Variants in IGF2R observed in about 807,000 individuals in gnomAD.
IGF2R encodes the protein insulin like growth factor 2 receptor, also known as cation-independent mannose-6-phosphate receptor.
Under a neutral mutation model 270.6 loss-of-function variants are expected in IGF2R, and 91 were observed. The ratio of observed to expected loss-of-function variants is 0.34; its 90% CI spans 0.28 to 0.40. The LOEUF (loss-of-function observed/expected upper bound fraction) is 0.40. Ranked by LOEUF, IGF2R falls within the 10% of genes least tolerant of loss-of-function variation. IGF2R has a pLI of 1.00. For synonymous variants in IGF2R, 1,316 were observed against 1,258.9 expected (o/e 1.05, Z -0.96); for missense variants, 2,805 against 3,188.3 (o/e 0.88, Z 2.90).
intron 7 of IGF2R, among the ~76,000 whole-genome samples, chr6:160,029,905 A>G (rs1432492389): frequency 1.3e-5 from 2 of 152,208 alleles, no homozygotes; most frequent in East Asian, 3.8e-4. Flanking sequence ...GCCTCCACAT[A>G]TAATGGGATG....
chr6:160,088,363 A>T (rs1341386059), intron 42 of IGF2R, among the ~76,000 whole-genome samples: 1 of 152,246 alleles, frequency 6.6e-6, no homozygotes, highest in African/African-American at 2.4e-5. Flanking sequence ...TCTCTGGGCT[A>T]GCTTGTCTCT....
At chr6:160,029,083 A>G (rs556365541) in intron 6 of IGF2R, among the ~76,000 whole-genome samples, 23 of 152,162 alleles carry the variant, frequency 1.5e-4, no homozygotes, top group African/African-American at 5.5e-4. Flanking sequence ...TCCCTGTTCA[A>G]GTGATTCTCC....
rs185604874 is a variant in IGF2R at position 159,983,766 on chromosome 6, T to C, written c.150-7418T>C. On this transcript the variant is annotated intron_variant, in intron 1 of 47. Coordinates refer to ENST00000356956, the MANE Select transcript of IGF2R (RefSeq NM_000876.4). Reference sequence around the variant, plus strand: ...CATTAAAGGAGAGTGTGCATCTGAGTTGAGGAAGACAATATAGATGTGGAC... The same window carrying C: ...CATTAAAGGAGAGTGTGCATCTGAGCTGAGGAAGACAATATAGATGTGGAC... 1.9e-3 allele frequency among the ~76,000 whole-genome samples: 286 copies of C among 152,252 alleles called. 3 individuals are homozygous for C. Among genetic ancestry groups the C allele is most frequent in the Non-Finnish European group, 5.7e-4 (39 of 68,022 alleles).
rs752956700 is a variant in IGF2R, at chr6:160,045,885, CTG to C, written c.1903+7_1903+8del. The C allele has an allele frequency of 7.1e-6, 11 of 1,548,510 alleles. No individual in the cohort carries two copies. Among genetic ancestry groups the C allele is most frequent in the Non-Finnish European group, 8.7e-6 (10 of 1,150,740 alleles). Reference sequence around the variant, plus strand: ...CACGGTCTTTGACTCCCAGGCAGGTCTGTGTCCAAGCAGGACCTCTGCTTTAA... The same window carrying C: ...CACGGTCTTTGACTCCCAGGCAGGTCTGTCCAAGCAGGACCTCTGCTTTAA... On this transcript the variant is annotated splice_donor_5th_base_variant and intron_variant, in intron 14 of 47. Coordinates refer to ENST00000356956, the MANE Select transcript of IGF2R (RefSeq NM_000876.4).
intron 44 of IGF2R, chr6:160,095,323 A>C (rs1287294335): frequency 6.6e-6 from 1 of 152,522 alleles, no homozygotes; most frequent in Non-Finnish European, 1.5e-5. Context: ...CCTCTGCTGC[A>C]TGGTTTATGC....
intron 2 of IGF2R, chr6:160,007,342 C>G (rs1020083912): frequency 2.0e-5 from 3 of 152,228 alleles, no homozygotes; most frequent in African/African-American, 7.2e-5. Flanking sequence ...TAACATTTCA[C>G]TAGCAATACA....
intron 19 of IGF2R, among the ~76,000 whole-genome samples, chr6:160,052,194 A>T (rs1778215223): frequency 6.6e-6 from 1 of 152,176 alleles, no homozygotes; most frequent in Non-Finnish European, 1.5e-5. Flanking sequence ...ACAGAGCAAG[A>T]TCCTGTTTCA....
chr6:159,999,507 A>G (rs1435160081), intron 2 of IGF2R, among the ~76,000 whole-genome samples: 1 of 152,166 alleles, frequency 6.6e-6, no homozygotes, highest in Non-Finnish European at 1.5e-5. Flanking sequence ...CATCAGACAG[A>G]TTGGAGCTGA....
intron 1 of IGF2R, among the ~76,000 whole-genome samples, chr6:159,969,640 C>T (rs998023564): frequency 5.9e-5 from 9 of 152,166 alleles, no homozygotes; most frequent in African/African-American, 1.9e-4. Context: ...CGCGTCCGGC[C>T]ACTTGTGGCT....
intron 2 of IGF2R, among the ~76,000 whole-genome samples, chr6:159,995,109 C>G (rs1784032345): frequency 6.6e-6 from 1 of 151,972 alleles, no homozygotes. Flanking sequence ...TTTTATGAAT[C>G]TGAGTGCTTT....
At chr6:160,019,318 A>C (rs908801524) in intron 4 of IGF2R, among the ~76,000 whole-genome samples, 5 of 152,162 alleles carry the variant, frequency 3.3e-5, no homozygotes, top group African/African-American at 7.2e-5. Context: ...CAAACAAAAC[A>C]AAACAAAACA....
chr6:160,016,069 T>C (rs1777291117), intron 4 of IGF2R, among the ~76,000 whole-genome samples: 1 of 152,232 alleles, frequency 6.6e-6, no homozygotes, highest in African/African-American at 2.4e-5. Context: ...CAGGTATTTA[T>C]AGCAGTGCAA....
At chr6:159,975,711 G>A (rs1024995104) in intron 1 of IGF2R, among the ~76,000 whole-genome samples, 1 of 142,948 alleles carries the variant, frequency 7.0e-6, no homozygotes, top group Non-Finnish European at 1.5e-5. Flanking sequence ...TAAAGTATAT[G>A]TATTGTGTAT....
At position 160,033,177 on chromosome 6, in the gene IGF2R, C is replaced by A. The variant is rs1276484900; in HGVS notation, c.1211+70C>A. On this transcript the variant is annotated intron_variant, in intron 9 of 47. Transcript: ENST00000356956. ...CTTGAGATAGGGTTGCACTCTGGCG[C>A]CCAGGCTAGACTGCAGTGGTGCAAT... is the stretch of plus-strand genomic sequence containing the variant. The A allele has an allele frequency of 3.4e-6, 4 of 1,170,346 alleles. No individual in the cohort carries two copies. In the Admixed American group the frequency reaches 8.1e-5, roughly 24 times the overall value. 72.5% of individuals were successfully genotyped at this position (1,170,346 alleles called of 1,614,324 possible). A position where few individuals can be genotyped will look rare whatever the true frequency, so the allele number is the denominator to read the frequency against.
chr6:160,065,808 G>GTATATATATATATA (rs1469370137), intron 29 of IGF2R, among the ~76,000 whole-genome samples: 6 of 55,126 alleles, frequency 1.1e-4, no homozygotes, highest in Non-Finnish European at 2.0e-4. Context: ...GTGTGTGTGT[G>GTATATATATATATA]TGTGTGTATA....
intron 2 of IGF2R, among the ~76,000 whole-genome samples, chr6:160,002,084 A>G (rs1335677160): frequency 3.3e-5 from 5 of 152,214 alleles, no homozygotes; most frequent in Non-Finnish European, 7.3e-5. Context: ...AGTAAGCTAA[A>G]GGAAAGAAAA....
At chr6:159,977,477 T>A (rs1783712478) in intron 1 of IGF2R, among the ~76,000 whole-genome samples, 1 of 142,944 alleles carries the variant, frequency 7.0e-6, no homozygotes, top group Non-Finnish European at 1.5e-5. Flanking sequence ...ACCCTCCCAA[T>A]GTCACCCCCA....
At chr6:160,076,662 C>G (rs1034842092) in intron 36 of IGF2R, among the ~76,000 whole-genome samples, 1 of 152,210 alleles carries the variant, frequency 6.6e-6, no homozygotes, top group Non-Finnish European at 1.5e-5. Flanking sequence ...CAGCTCTTTG[C>G]TCCAGGGACA....
intron 19 of IGF2R, among the ~76,000 whole-genome samples, chr6:160,056,008 A>T (rs369204929): frequency 1.2e-4 from 19 of 152,120 alleles, no homozygotes; most frequent in African/African-American, 3.6e-4. Flanking sequence ...GCCACTGCTG[A>T]GCATCCTCCT....
Sources: gnomAD v4.1 joint callset for allele counts (sites outside exome capture counted in the v4.1 genomes callset) on GRCh38, gnomAD v4.1.1 for gene constraint, MANE v1.5 for transcripts, NCBI Gene and HGNC (gene_info 2026-07-23, HGNC 2026-07-21) for gene names.